The following ACBD5 variants were observed in gnomAD, a reference collection of about 807,000 sequenced individuals.
The protein encoded by ACBD5 is acyl-CoA-binding domain-containing protein 5.
Under a neutral mutation model 71.8 loss-of-function variants are expected in ACBD5, and 40 were observed. That is an observed-to-expected ratio of 0.56 (90% confidence interval 0.43 to 0.72). ACBD5 has a LOEUF of 0.72. Ranked by LOEUF, ACBD5 falls within the 30% of genes least tolerant of loss-of-function variation. The pLI, the probability that ACBD5 is intolerant of heterozygous loss-of-function variation, is 0.00. For missense variants in ACBD5, 559 were observed against 644.5 expected (o/e 0.87, Z 1.44); for synonymous variants, 229 against 218.6 (o/e 1.05, Z -0.42).
chr10:27,183,202 A>T (rs185741672), intron 13 of ACBD5, among the ~76,000 whole-genome samples: 1 of 152,160 alleles, frequency 6.6e-6, no homozygotes, highest in African/African-American at 2.4e-5. Flanking sequence ...AGTTTTCTCA[A>T]TGCAGGAGTA....
downstream of ACBD5, among the ~76,000 whole-genome samples, chr10:27,192,292 AATTT>A (rs1393654721): frequency 6.6e-6 from 1 of 152,056 alleles, no homozygotes; most frequent in African/African-American, 2.4e-5. Flanking sequence ...TGAAAAAAAA[AATTT>A]ATAATAATGA....
intron 2 of ACBD5, among the ~76,000 whole-genome samples, chr10:27,238,916 G>T (rs572654403): frequency 3.3e-4 from 50 of 152,234 alleles, no homozygotes; most frequent in African/African-American, 1.2e-3. Flanking sequence ...ATGTTTATTG[G>T]GCCGGGCGCG....
rs1215967615 is a variant in ACBD5 at position 27,196,639 on chromosome 10, C to A, written c.*791G>T. The stretch of plus-strand genomic sequence containing the variant: ...ACCCTATGAAGCAGACACTAGATAT[C>A]CTCAGTTAAACAAAAATGATTACAA... On this transcript the variant is annotated 3_prime_UTR_variant, in exon 13 of 13. Coordinates refer to ENST00000396271, the MANE Select transcript of ACBD5 (RefSeq NM_145698.5). 1 of 454,258 alleles carries A rather than the reference C, an allele frequency of 2.2e-6. No individual in the cohort carries two copies. Among genetic ancestry groups the A allele is most frequent in the Non-Finnish European group, 4.4e-6 (1 of 226,770 alleles). The allele number at this position is 454,258 out of a possible 1,614,324, so 28.1% of individuals were successfully genotyped here. A position where few individuals can be genotyped will look rare whatever the true frequency, so the allele number is the denominator to read the frequency against.
At chr10:27,231,662 A>T in intron 4 of ACBD5, 86 bp downstream of exon 4, 2 of 1,174,830 alleles carry the variant, frequency 1.7e-6, no homozygotes, top group Non-Finnish European at 2.5e-6. Flanking sequence ...CAATCTCCTT[A>T]AAGCAAAGCA....
chr10:27,193,493 G>A (rs1044107830), downstream of ACBD5: 1 of 152,040 alleles, frequency 6.6e-6, no homozygotes, highest in Admixed American at 6.6e-5. Flanking sequence ...AAAAGGCTAA[G>A]AAGTGATTAA....
chr10:27,224,953 C>A (rs2062823003), intron 4 of ACBD5, among the ~76,000 whole-genome samples: 1 of 152,118 alleles, frequency 6.6e-6, no homozygotes, highest in African/African-American at 2.4e-5. Context: ...ATTGCTTGAA[C>A]CCAGGAGGCG....
At chr10:27,209,791 C>A (rs550808200) in intron 9 of ACBD5, among the ~76,000 whole-genome samples, 106 of 152,260 alleles carry the variant, frequency 7.0e-4, no homozygotes, top group African/African-American at 2.5e-3. Context: ...GTTTTAAAAT[C>A]ATATTATGAA....
chr10:27,209,710 T>C (rs4747591), intron 9 of ACBD5, among the ~76,000 whole-genome samples: 151,391 of 152,336 alleles, frequency 0.99, 75,232 homozygotes, highest in Middle Eastern at 1. Flanking sequence ...TGTTATATAT[T>C]CATCCATTCT....
At chr10:27,242,033 C>G (rs1177000672), upstream of ACBD5, 2 of 453,836 alleles carry the variant, frequency 4.4e-6, no homozygotes, top group Non-Finnish European at 4.4e-6. Flanking sequence ...TTACTCTTCC[C>G]TCTGAGCCGC....
downstream of ACBD5, among the ~76,000 whole-genome samples, chr10:27,194,087 C>A (rs1405778712): frequency 6.6e-6 from 1 of 151,408 alleles, no homozygotes; most frequent in African/African-American, 2.4e-5. Context: ...CCTGTCTCTA[C>A]TAAAAATACA....
chr10:27,229,311 G>C (rs1439284304), intron 4 of ACBD5, among the ~76,000 whole-genome samples: 1 of 151,888 alleles, frequency 6.6e-6, no homozygotes, highest in African/African-American at 2.4e-5. Context: ...TGACAGGCCA[G>C]GCACACGGTG....
intron 6 of ACBD5, among the ~76,000 whole-genome samples, chr10:27,218,876 G>A (rs771594505): frequency 1.3e-5 from 2 of 152,072 alleles, no homozygotes; most frequent in East Asian, 1.9e-4. Context: ...GTGAGCAACC[G>A]TGCCCGGCCG....
At chr10:27,214,764 G>C (rs1289336001) in intron 8 of ACBD5, among the ~76,000 whole-genome samples, 1 of 152,150 alleles carries the variant, frequency 6.6e-6, no homozygotes, top group Non-Finnish European at 1.5e-5. Context: ...AAATTATTCA[G>C]GCCAGCCTTG....
At chr10:27,212,760 G>A (rs975729463) in intron 8 of ACBD5, among the ~76,000 whole-genome samples, 5 of 152,066 alleles carry the variant, frequency 3.3e-5, no homozygotes, top group African/African-American at 9.6e-5. Flanking sequence ...TGTTGCTCAC[G>A]CGGCTCTGAA....
chr10:27,239,713 G>A (rs2065213750), intron 2 of ACBD5, among the ~76,000 whole-genome samples: 1 of 151,034 alleles, frequency 6.6e-6, no homozygotes, highest in African/African-American at 2.4e-5. Flanking sequence ...TGAGTGTGTG[G>A]CATTAGGCAT....
intron 13 of ACBD5, among the ~76,000 whole-genome samples, chr10:27,187,480 G>T (rs1054651354): frequency 6.6e-6 from 1 of 152,080 alleles, no homozygotes; most frequent in Non-Finnish European, 1.5e-5. Context: ...GGACGGGTGC[G>T]ATGGCTCATG....
At position 27,212,579 on chromosome 10, in the gene ACBD5, C is replaced by CTT. The variant is rs398045942; in HGVS notation, c.937-1500_937-1499dup. The stretch of plus-strand genomic sequence containing the variant: ...ATCATTATTCTTCCAATTTATGCTG[C>CTT]TTTTTTTTTTTTTTTTTGAGACAAG... On this transcript the variant is annotated intron_variant, in intron 8 of 12. Transcript: ENST00000396271. Among the ~76,000 whole-genome samples, 237 of 132,678 alleles carry CTT rather than the reference C, an allele frequency of 1.8e-3. 2 individuals are homozygous for CTT. Among genetic ancestry groups the CTT allele is most frequent in the East Asian group, 8.5e-3 (38 of 4,490 alleles). 87.0% of individuals were successfully genotyped at this position (132,678 alleles called of 152,430 possible). A position where few individuals can be genotyped will look rare whatever the true frequency, so the allele number is the denominator to read the frequency against.
At chr10:27,227,008 G>GTTTTT (rs1419253069) in intron 4 of ACBD5, among the ~76,000 whole-genome samples, 1 of 18,288 alleles carries the variant, frequency 5.5e-5, no homozygotes, top group Non-Finnish European at 1.0e-4. Flanking sequence ...TTTTTTTTGC[G>GTTTTT]ATTTTTTTTT....
intron 12 of ACBD5, among the ~76,000 whole-genome samples, chr10:27,202,907 T>C (rs1014235070): frequency 1.2e-4 from 18 of 150,340 alleles, no homozygotes; most frequent in Non-Finnish European, 1.9e-4. Flanking sequence ...CCAACCATCA[T>C]AGGAGGAATT....
Sources: allele counts gnomAD v4.1 joint callset (sites outside exome capture counted in the v4.1 genomes callset), GRCh38; gene constraint gnomAD v4.1.1; transcripts MANE v1.5; gene names NCBI Gene and HGNC (gene_info 2026-07-23, HGNC 2026-07-21).